LRP1B: variants seen among roughly 807,000 people sequenced by gnomAD.
LRP1B encodes LDL receptor related protein 1B.
LRP1B carries 217 observed loss-of-function variants against 556.6 expected under a neutral mutation model. That is an observed-to-expected ratio of 0.39 (90% CI 0.35 to 0.44). The LOEUF (loss-of-function observed/expected upper bound fraction) is 0.44. LRP1B is among the 20% of genes least tolerant of loss of function. The pLI is 1.00. For synonymous variants in LRP1B, 2,047 were observed against 1,865.8 expected (o/e 1.10, Z -2.50); for missense variants, 5,053 against 5,620.8 (o/e 0.90, Z 3.23).
At chr2:140,427,984 G>A (rs1421978939) in intron 66 of LRP1B, among the ~76,000 whole-genome samples, 1 of 152,242 alleles carries the variant, frequency 6.6e-6, no homozygotes, top group East Asian at 1.9e-4. Flanking sequence ...GCATAGTCAA[G>A]GTTAATGCTC....
chr2:140,289,541 TAATA>T (rs1443067244), intron 84 of LRP1B, among the ~76,000 whole-genome samples: 5 of 151,982 alleles, frequency 3.3e-5, no homozygotes, highest in Admixed American at 6.6e-5. Context: ...CATTGGTTTC[TAATA>T]AATTTCCTTT....
chr2:140,343,455 A>C (rs1681495384), intron 77 of LRP1B, among the ~76,000 whole-genome samples: 1 of 151,670 alleles, frequency 6.6e-6, no homozygotes, highest in African/African-American at 2.4e-5. Flanking sequence ...CCGCTAAGAC[A>C]TTATTTGCAA....
intron 33 of LRP1B, among the ~76,000 whole-genome samples, chr2:140,775,467 A>AT (rs61535948): frequency 0.43 from 47,182 of 110,728 alleles, 10,670 homozygotes; most frequent in East Asian, 0.55. Flanking sequence ...TTTTTGGTTG[A>AT]TTTTTTTTTT....
intron 49 of LRP1B, among the ~76,000 whole-genome samples, chr2:140,518,514 G>C (rs1036363880): frequency 4.6e-5 from 7 of 152,226 alleles, no homozygotes; most frequent in Admixed American, 2.6e-4. Flanking sequence ...ATCATATGCT[G>C]ACCTCAAGAT....
chr2:141,888,793 C>T (rs1482051954), intron 1 of LRP1B, among the ~76,000 whole-genome samples: 2 of 151,964 alleles, frequency 1.3e-5, no homozygotes, highest in African/African-American at 4.8e-5. Flanking sequence ...GGTTGGAGGA[C>T]AGGAGTGAAA....
chr2:140,640,392 T>C (rs1684245693), intron 41 of LRP1B, among the ~76,000 whole-genome samples: 1 of 65,952 alleles, frequency 1.5e-5, no homozygotes, highest in African/African-American at 5.8e-5. Context: ...TCTTTTTTTT[T>C]TTTTTTTTTT....
intron 3 of LRP1B, among the ~76,000 whole-genome samples, chr2:141,424,229 G>A (rs993304299): frequency 4.7e-5 from 7 of 150,498 alleles, no homozygotes; most frequent in African/African-American, 1.5e-4. Context: ...TTCTCCTGCC[G>A]CAGCCTCCAG....
At chr2:140,767,138 G>A (rs1339265740) in intron 35 of LRP1B, among the ~76,000 whole-genome samples, 1 of 151,712 alleles carries the variant, frequency 6.6e-6, no homozygotes, top group Non-Finnish European at 1.5e-5. Flanking sequence ...TGTTTCACTG[G>A]CCTGTAGATC....
chr2:140,277,751 T>C (rs1272858254), intron 84 of LRP1B, among the ~76,000 whole-genome samples: 1 of 151,914 alleles, frequency 6.6e-6, no homozygotes, highest in Non-Finnish European at 1.5e-5. Flanking sequence ...AATACAATAA[T>C]AGTGGAAACT....
At position 141,334,759 on chromosome 2, in the gene LRP1B, C is replaced by T. The variant is rs956544911; in HGVS notation, c.344-80118G>A. On this transcript the variant is annotated intron_variant, in intron 3 of 90. Coordinates refer to ENST00000389484, the MANE Select transcript of LRP1B (RefSeq NM_018557.3). ...TAGAGACAGGGTTTCGCCATATTAG[C>T]TAGGCTGGTCTTGAACTCCTGACCT... 4.6e-5 allele frequency among the ~76,000 whole-genome samples: 7 copies of T among 152,232 alleles called. No homozygotes were observed. The East Asian group carries it at 5.8e-4, about 13-fold the overall frequency.
intron 1 of LRP1B, among the ~76,000 whole-genome samples, chr2:142,111,358 A>G (rs1482076732): frequency 5.9e-5 from 9 of 152,062 alleles, no homozygotes; most frequent in Non-Finnish European, 1.5e-5. Context: ...GACTGACTTT[A>G]AAACTTAATC....
At chr2:141,775,526 A>G (rs1428247753) in intron 2 of LRP1B, among the ~76,000 whole-genome samples, 1 of 152,214 alleles carries the variant, frequency 6.6e-6, no homozygotes, top group African/African-American at 2.4e-5. Context: ...GTAAAGAAAT[A>G]TTTAACACTC....
At chr2:142,049,057 A>G (rs940851186) in intron 1 of LRP1B, among the ~76,000 whole-genome samples, 5 of 152,098 alleles carry the variant, frequency 3.3e-5, no homozygotes, top group African/African-American at 9.6e-5. Context: ...TATTTGATTA[A>G]AGATCATTTT....
chr2:141,561,980 T>G (rs995124661), intron 2 of LRP1B, among the ~76,000 whole-genome samples: 4 of 151,956 alleles, frequency 2.6e-5, no homozygotes, highest in Non-Finnish European at 5.9e-5. Context: ...TGTTTAGTAG[T>G]GCCTGTCAAC....
chr2:141,174,353 G>T, intron 7 of LRP1B, among the ~76,000 whole-genome samples: 1 of 152,030 alleles, frequency 6.6e-6, no homozygotes, highest in East Asian at 1.9e-4. Context: ...TTGTGATATG[G>T]TTTGGCTCTG....
At chr2:140,386,298 G>A (rs756730018) in intron 66 of LRP1B, among the ~76,000 whole-genome samples, 16 of 152,186 alleles carry the variant, frequency 1.1e-4, no homozygotes, top group Non-Finnish European at 2.2e-4. Context: ...AATTGGCCAG[G>A]CATGGTGGCT....
chr2:141,923,816 C>T (rs1035236838), intron 1 of LRP1B, among the ~76,000 whole-genome samples: 8 of 151,902 alleles, frequency 5.3e-5, no homozygotes, highest in South Asian at 4.2e-4. Flanking sequence ...CTTTCCCTTT[C>T]CCTGGTTTTT....
At chr2:140,423,412 T>A (rs995642174) in intron 66 of LRP1B, among the ~76,000 whole-genome samples, 2 of 152,108 alleles carry the variant, frequency 1.3e-5, no homozygotes, top group Non-Finnish European at 2.9e-5. Flanking sequence ...CAAATCACAG[T>A]GTTAATAAAC....
At chr2:141,661,449 C>A (rs868223489) in intron 2 of LRP1B, among the ~76,000 whole-genome samples, 1 of 152,164 alleles carries the variant, frequency 6.6e-6, no homozygotes, top group Non-Finnish European at 1.5e-5. Context: ...ATTACAGGAG[C>A]TGTTAACCAG....
Sources: allele counts gnomAD v4.1 joint callset (sites outside exome capture counted in the v4.1 genomes callset), GRCh38; gene constraint gnomAD v4.1.1; transcripts MANE v1.5; gene names NCBI Gene and HGNC (gene_info 2026-07-23, HGNC 2026-07-21).